ADGRG7: variants seen among roughly 807,000 people sequenced by gnomAD.
The protein encoded by ADGRG7 is adhesion G protein-coupled receptor G7, also known as G-protein coupled receptor 128.
A neutral mutation model predicts 88.6 loss-of-function variants in ADGRG7; 82 were observed. The observed-to-expected ratio is 0.93, with a 90% confidence interval of 0.77 to 1.11. The LOEUF is 1.11. Among genes scored for constraint, ADGRG7 ranks in the 50% most tolerant of loss-of-function variants. The pLI is 0.00. For synonymous variants in ADGRG7, 381 were observed against 345.2 expected (o/e 1.10, Z -1.15); for missense variants, 945 against 953.4 (o/e 0.99, Z 0.12).
chr3:100,691,300 C>T (rs947016162), intron 15 of ADGRG7, among the ~76,000 whole-genome samples: 7 of 152,212 alleles, frequency 4.6e-5, no homozygotes, highest in Non-Finnish European at 8.8e-5. Flanking sequence ...TTCCCTGACC[C>T]CTTGTGCTTC....
chr3:100,619,752 A>T (rs1051909908), intron 1 of ADGRG7, among the ~76,000 whole-genome samples: 2 of 152,286 alleles, frequency 1.3e-5, no homozygotes, highest in African/African-American at 4.8e-5. Context: ...CAGAAATACA[A>T]ACTACCATCA....
chr3:100,675,758 CTT>C (rs1292826248), intron 15 of ADGRG7, among the ~76,000 whole-genome samples: 2 of 152,150 alleles, frequency 1.3e-5, no homozygotes, highest in East Asian at 3.9e-4. Flanking sequence ...TGCTAGGAAA[CTT>C]TTTATTACAG....
intron 4 of ADGRG7, among the ~76,000 whole-genome samples, chr3:100,633,878 G>A (rs932331165): frequency 6.6e-6 from 1 of 152,096 alleles, no homozygotes; most frequent in Admixed American, 6.6e-5. Context: ...AAGGACTGTT[G>A]TTTCATCAAA....
intron 15 of ADGRG7, among the ~76,000 whole-genome samples, chr3:100,679,913 C>T (rs570934361): frequency 6.6e-6 from 1 of 152,240 alleles, no homozygotes; most frequent in African/African-American, 2.4e-5. Flanking sequence ...TATGGCCCAA[C>T]ATTTGGTCTA....
rs961745387 is a variant in ADGRG7 at position 100,643,629 on chromosome 3, G to A, written c.942G>A (p.Thr314=). The change falls in exon 8 of 16, where the codon ACG becomes ACA. Residue 314 remains threonine (T), a synonymous_variant. Coordinates refer to ENST00000273352, the MANE Select transcript of ADGRG7 (RefSeq NM_032787.3). The part of the protein sequence containing the change: ...QTELQVLLNM[T]KNYTKTCGFV... ...AGCTTCAGGTCTTGCTTAATATGAC[G>A]AAAAGTAAGTCTCAAACTTTGTGAC... 1.1e-5 allele frequency: 18 copies of A among 1,605,756 alleles called. No individual in the cohort carries two copies. Among genetic ancestry groups the A allele is most frequent in the Admixed American group, 1.7e-5 (1 of 59,612 alleles).
chr3:100,694,659 G>A lies in ADGRG7; in HGVS notation c.2137-85G>A, dbSNP rs1576344302. On this transcript the variant is annotated intron_variant, in intron 15 of 15. Coordinates refer to ENST00000273352, the MANE Select transcript of ADGRG7 (RefSeq NM_032787.3). ...GGGGAAGTGCCGTGCAGATGAGAAG[G>A]TTGGGTGGCAGAGTGAAATAAAATG... 13 of 1,266,322 alleles carry A rather than the reference G, an allele frequency of 1.0e-5. 1 individual carries two copies. Among genetic ancestry groups the A allele is most frequent in the South Asian group, 4.3e-5 (3 of 70,474 alleles). 78.4% of individuals were successfully genotyped at this position (1,266,322 alleles called of 1,614,324 possible).
intron 14 of ADGRG7, among the ~76,000 whole-genome samples, chr3:100,668,694 T>G (rs2149034677): frequency 6.6e-6 from 1 of 152,352 alleles, no homozygotes; most frequent in Non-Finnish European, 1.5e-5. Flanking sequence ...AAAATTTGCC[T>G]GCTGTAGTAT....
chr3:100,633,242 TAAA>T lies in ADGRG7; in HGVS notation c.335-19_335-17del. The stretch of plus-strand genomic sequence containing the variant: ...AATTTTAATAAATACTTATTTTTAA[TAAA>T]AAATTTCTTTGTATTAAAGCGGGCA... On this transcript the variant is annotated intron_variant, in intron 3 of 15. Coordinates refer to ENST00000273352, the MANE Select transcript of ADGRG7 (RefSeq NM_032787.3). 8.3e-7 allele frequency: 1 copy of T among 1,210,506 alleles called. No homozygotes were observed. Among genetic ancestry groups the T allele is most frequent in the Non-Finnish European group, 1.1e-6 (1 of 913,132 alleles). 75.0% of individuals were successfully genotyped at this position (1,210,506 alleles called of 1,614,324 possible). A position where few individuals can be genotyped will look rare whatever the true frequency, so the allele number is the denominator to read the frequency against.
intron 15 of ADGRG7, among the ~76,000 whole-genome samples, chr3:100,692,919 A>G (rs1452293230): frequency 2.0e-5 from 3 of 152,216 alleles, no homozygotes; most frequent in African/African-American, 7.2e-5. Context: ...TATGTACACT[A>G]AAGTGTAGGA....
chr3:100,669,857 G>A (rs2094956302), intron 15 of ADGRG7, among the ~76,000 whole-genome samples: 1 of 152,042 alleles, frequency 6.6e-6, no homozygotes, highest in Admixed American at 6.6e-5. Context: ...CCAACATGGT[G>A]AAACCCCATC....
chr3:100,635,898 T>C, intron 5 of ADGRG7, 72 bp downstream of exon 5: 2 of 1,106,864 alleles, frequency 1.8e-6, no homozygotes, highest in Non-Finnish European at 2.6e-6. Flanking sequence ...GAAAGAGAGA[T>C]GTCCTGAATA....
chr3:100,672,376 G>T (rs1482009381), intron 15 of ADGRG7, among the ~76,000 whole-genome samples: 2 of 152,150 alleles, frequency 1.3e-5, no homozygotes, highest in African/African-American at 4.8e-5. Flanking sequence ...TTGGTGGATA[G>T]GAATGCTTGT....
intron 1 of ADGRG7, among the ~76,000 whole-genome samples, chr3:100,624,333 T>C (rs1333645055): frequency 6.6e-6 from 1 of 152,246 alleles, no homozygotes. Flanking sequence ...GCTGCATAAA[T>C]GTCTTCTTTT....
chr3:100,693,594 AAACT>A (rs1336733042), intron 15 of ADGRG7, among the ~76,000 whole-genome samples: 1 of 152,206 alleles, frequency 6.6e-6, no homozygotes, highest in Non-Finnish European at 1.5e-5. Context: ...TTCCAAAAAT[AAACT>A]CTTAAAAAGG....
At chr3:100,657,469 A>G (rs2094939261) in intron 13 of ADGRG7, among the ~76,000 whole-genome samples, 1 of 152,214 alleles carries the variant, frequency 6.6e-6, no homozygotes, top group South Asian at 2.1e-4. Flanking sequence ...AATGTAGGGC[A>G]GGCCACATTC....
intron 9 of ADGRG7, 86 bp from the exon 10 acceptor site, chr3:100,646,483 C>A: frequency 9.8e-7 from 1 of 1,016,858 alleles, no homozygotes; most frequent in Non-Finnish European, 1.5e-6. Context: ...ATTCATTTCT[C>A]AGATGACTGT....
In ADGRG7 at chr3:100,649,812, G is replaced by T; in HGVS notation, c.1379+5G>T. 2.0e-6 allele frequency: 3 copies of T among 1,508,742 alleles called. No individual in the cohort carries two copies. In the South Asian group the frequency reaches 3.4e-5, roughly 17 times the overall value. 93.5% of individuals were successfully genotyped at this position (1,508,742 alleles called of 1,614,324 possible). On this transcript the variant is annotated splice_donor_5th_base_variant and intron_variant, in intron 11 of 15. Coordinates refer to ENST00000273352, the MANE Select transcript of ADGRG7 (RefSeq NM_032787.3). ...TATATTTCAGATTGTCACCAGGTAA[G>T]AGCAGAAGCAGGCTCTTTTCAGAAG...
At chr3:100,661,309 G>C (rs983437779) in intron 14 of ADGRG7, among the ~76,000 whole-genome samples, 26 of 152,166 alleles carry the variant, frequency 1.7e-4, no homozygotes. Context: ...CTTAATAAAA[G>C]CAAGCATGTC....
At chr3:100,612,339 T>A (rs910693789) in intron 1 of ADGRG7, among the ~76,000 whole-genome samples, 1 of 152,174 alleles carries the variant, frequency 6.6e-6, no homozygotes, top group Non-Finnish European at 1.5e-5. Flanking sequence ...ATAATACCTA[T>A]AGTTTTAAAA....
Sources: gnomAD v4.1 joint callset for allele counts (sites outside exome capture counted in the v4.1 genomes callset) on GRCh38, gnomAD v4.1.1 for gene constraint, MANE v1.5 for transcripts, NCBI Gene and HGNC (gene_info 2026-07-23, HGNC 2026-07-21) for gene names.